Variants in LYRM9 observed in about 807,000 individuals in gnomAD.
The protein encoded by LYRM9 is LYR motif-containing protein 9.
Under a neutral mutation model 12.6 loss-of-function variants are expected in LYRM9, and 14 were observed. The observed-to-expected ratio is 1.11, with a 90% CI of 0.73 to 1.73. The LOEUF (loss-of-function observed/expected upper bound fraction) is 1.73, where lower values mean the gene tolerates loss of function less well. LYRM9 is among the 40% of genes most tolerant of loss of function. The pLI is 0.00. For missense variants in LYRM9, 94 were observed against 95.0 expected (o/e 0.99, Z 0.04); for synonymous variants, 42 against 35.1 (o/e 1.20, Z -0.69).
rs1905092727 is a variant in LYRM9 at position 27,882,494 on chromosome 17, G to T, written c.126+75C>A. 18 of 1,451,266 alleles carry T rather than the reference G, an allele frequency of 1.2e-5. No homozygotes were observed. In the South Asian group the frequency reaches 2.4e-4, roughly 20 times the overall value. 89.9% of individuals were successfully genotyped at this position (1,451,266 alleles called of 1,614,324 possible). A position where few individuals can be genotyped will look rare whatever the true frequency, so the allele number is the denominator to read the frequency against. The stretch of plus-strand genomic sequence containing the variant: ...ATCTCAGAGACTAGCTCTGTGCCCT[G>T]GCCTTGGCCTCTGACCTGCGCCCCT... On this transcript the variant is annotated intron_variant, in intron 2 of 3. Transcript: ENST00000379102.
At chr17:27,882,540 C>T (rs1270193408) in intron 2 of LYRM9, 29 bp downstream of exon 2, 2 of 1,539,932 alleles carry the variant, frequency 1.3e-6, no homozygotes, top group African/African-American at 2.7e-5. Flanking sequence ...TTAGAGGCAG[C>T]CCCCAGACCT....
chr17:27,887,716 GTGTGT>G (rs764482712), intron 1 of LYRM9, among the ~76,000 whole-genome samples: 26,222 of 115,610 alleles, frequency 0.23, 2,471 homozygotes, highest in South Asian at 0.31. Flanking sequence ...GAGGGAGGGT[GTGTGT>G]GTGTGTGTGT....
intron 1 of LYRM9, among the ~76,000 whole-genome samples, chr17:27,889,702 C>T (rs1457550348): frequency 6.6e-6 from 1 of 152,164 alleles, no homozygotes; most frequent in African/African-American, 2.4e-5. Flanking sequence ...GTTATATCAA[C>T]TCAATTCAAC....
At chr17:27,890,003 A>C (rs973702856) in intron 1 of LYRM9, among the ~76,000 whole-genome samples, 2 of 152,218 alleles carry the variant, frequency 1.3e-5, no homozygotes, top group Non-Finnish European at 2.9e-5. Context: ...CCTCACAACA[A>C]TATTTTAAGG....
intron 1 of LYRM9, 109 bp downstream of exon 1, chr17:27,893,208 G>A (rs1385406081): frequency 6.6e-6 from 1 of 152,422 alleles, no homozygotes; most frequent in Non-Finnish European, 1.5e-5. Flanking sequence ...ATAGATCCGA[G>A]GACACCCGAG....
At position 27,879,840 on chromosome 17, in the gene LYRM9, A is replaced by C. The variant is rs551724261; in HGVS notation, c.220-350T>G. Reference sequence around the variant, plus strand: ...AGACGCCAGTCTACATTCCTGACTCACTCCCTTCCTCCACCAAAACATACT... The same window carrying C: ...AGACGCCAGTCTACATTCCTGACTCCCTCCCTTCCTCCACCAAAACATACT... On this transcript the variant is annotated intron_variant, in intron 3 of 3. Coordinates refer to ENST00000379102, the MANE Select transcript of LYRM9 (RefSeq NM_001076680.3). 4.1e-5 allele frequency: 23 copies of C among 559,396 alleles called. No homozygotes were observed. In the South Asian group the frequency reaches 5.3e-4, roughly 13 times the overall value. 34.7% of individuals were successfully genotyped at this position (559,396 alleles called of 1,614,324 possible).
chr17:27,885,572 T>C (rs982852380), intron 1 of LYRM9, among the ~76,000 whole-genome samples: 1 of 151,776 alleles, frequency 6.6e-6, no homozygotes, highest in African/African-American at 2.4e-5. Context: ...TAACTGGGCA[T>C]GGTGGCATGC....
intron 1 of LYRM9, chr17:27,891,872 T>C (rs1905463911): frequency 6.6e-6 from 1 of 151,434 alleles, no homozygotes; most frequent in Non-Finnish European, 1.5e-5. Flanking sequence ...CCAACCTAGC[T>C]AACTTATGGA....
chr17:27,885,106 G>C (rs908037041), intron 1 of LYRM9, among the ~76,000 whole-genome samples: 2 of 152,128 alleles, frequency 1.3e-5, no homozygotes, highest in Non-Finnish European at 2.9e-5. Flanking sequence ...CAGCCCCAAT[G>C]TGTGATCTGG....
At chr17:27,885,793 T>C (rs1025971764) in intron 1 of LYRM9, among the ~76,000 whole-genome samples, 2 of 151,658 alleles carry the variant, frequency 1.3e-5, no homozygotes, top group Non-Finnish European at 2.9e-5. Flanking sequence ...CTCAATGATC[T>C]GGGCCAATTA....
chr17:27,892,977 T>C (rs1905508908), intron 1 of LYRM9: 1 of 152,388 alleles, frequency 6.6e-6, no homozygotes, highest in Non-Finnish European at 1.5e-5. Flanking sequence ...CATTCTCCTT[T>C]TAAAAGTGGC....
At chr17:27,893,193 C>A in intron 1 of LYRM9, 124 bp downstream of exon 1, 1 of 152,396 alleles carries the variant, frequency 6.6e-6, no homozygotes, top group South Asian at 2.0e-4. Flanking sequence ...GCCCCTAGGT[C>A]TTCAATAGAT....
intron 1 of LYRM9, among the ~76,000 whole-genome samples, chr17:27,891,495 T>A (rs1364475808): frequency 6.6e-6 from 1 of 152,220 alleles, no homozygotes; most frequent in African/African-American, 2.4e-5. Flanking sequence ...TCCTACTAAC[T>A]GTTATTGTTA....
intron 1 of LYRM9, chr17:27,893,060 C>A (rs190495244): frequency 7.2e-5 from 11 of 152,272 alleles, no homozygotes; most frequent in Admixed American, 6.5e-4. Context: ...GCGCTGCAGG[C>A]CTTTCCTGCT....
intron 1 of LYRM9, chr17:27,892,549 G>A (rs1335795797): frequency 5.2e-6 from 2 of 384,192 alleles, no homozygotes; most frequent in Non-Finnish European, 1.0e-5. Context: ...AGTCACAAGG[G>A]GCTACTTAAT....
intron 1 of LYRM9, among the ~76,000 whole-genome samples, chr17:27,885,701 CAAAAAAAAAAAAAA>C (rs61615628): frequency 6.8e-5 from 2 of 29,386 alleles, no homozygotes; most frequent in East Asian, 2.2e-3. Context: ...AACTCTGTCT[CAAAAAAAAAAAAAA>C]AAAAAAAAAA....
Position 27,883,835 on chromosome 17 carries a change from T to TAAAAAA in LYRM9, c.-18-1129_-18-1124dup, listed in dbSNP as rs781375467. 5.7e-3 allele frequency among the ~76,000 whole-genome samples: 139 copies of TAAAAAA among 24,584 alleles called. 36 individuals carry two copies. Among genetic ancestry groups the TAAAAAA allele is most frequent in the Non-Finnish European group, 6.9e-3 (90 of 13,110 alleles). 16.1% of individuals were successfully genotyped at this position (24,584 alleles called of 152,430 possible). A position where few individuals can be genotyped will look rare whatever the true frequency, so the allele number is the denominator to read the frequency against. ...GCAGTCTGGCTCCAGAGCCTTTTTC[T>TAAAAAA]AAAAAAAAAAAAAAAAAAAAAAAAA... On this transcript the variant is annotated intron_variant, in intron 1 of 3. Transcript: ENST00000379102.
rs866704500 is a variant in LYRM9, at chr17:27,879,269, G to A, written c.*204C>T. 41 of 442,270 alleles carry A rather than the reference G, an allele frequency of 9.3e-5. No individual in the cohort carries two copies. Among genetic ancestry groups the A allele is most frequent in the South Asian group, 4.0e-4 (7 of 17,390 alleles). The allele number at this position is 442,270 out of a possible 1,614,324, so 27.4% of individuals were successfully genotyped here. A position where few individuals can be genotyped will look rare whatever the true frequency, so the allele number is the denominator to read the frequency against. ...CTACATTCTCCCCAAATTTCACATC[G>A]TAAGTGGCTGGAAGTGCAAACATAA... On this transcript the variant is annotated 3_prime_UTR_variant, in exon 4 of 4. Coordinates refer to ENST00000379102, the MANE Select transcript of LYRM9 (RefSeq NM_001076680.3).
At chr17:27,884,866 A>G (rs1905183593) in intron 1 of LYRM9, among the ~76,000 whole-genome samples, 1 of 151,902 alleles carries the variant, frequency 6.6e-6, no homozygotes, top group Admixed American at 6.5e-5. Flanking sequence ...TTGCAAAAAG[A>G]ACCAGAAACT....
Sources: gnomAD v4.1 joint callset for allele counts (sites outside exome capture counted in the v4.1 genomes callset) on GRCh38, gnomAD v4.1.1 for gene constraint, MANE v1.5 for transcripts, NCBI Gene and HGNC (gene_info 2026-07-23, HGNC 2026-07-21) for gene names.